ANXA11: variants seen among roughly 807,000 people sequenced by gnomAD.
ANXA11 encodes annexin A11, also known as 56 kDa autoantigen.
ANXA11 carries 57 observed loss-of-function variants against 64.7 expected under a neutral mutation model. That is an observed-to-expected ratio of 0.88 (90% CI 0.71 to 1.10). The LOEUF is 1.10. ANXA11 is among the 50% of genes least tolerant of loss of function. The pLI is 0.00. For missense variants in ANXA11, 675 were observed against 670.7 expected, an observed-to-expected ratio of 1.01 and a Z score of -0.07; for synonymous variants, 260 against 265.2, an observed-to-expected ratio of 0.98 and a Z score of 0.19.
chr10:80,168,865 G>A, intron 5 of ANXA11, 104 bp downstream of exon 5: 1 of 1,272,252 alleles, frequency 7.9e-7, no homozygotes, highest in Non-Finnish European at 1.0e-6. Flanking sequence ...AAGAAGTGCA[G>A]CTGGAGGCCT....
intron 8 of ANXA11, 141 bp from the exon 9 acceptor site, chr10:80,164,284 C>A: frequency 1.6e-6 from 1 of 627,356 alleles, no homozygotes; most frequent in South Asian, 2.0e-5. Context: ...TCCAGCCACT[C>A]CCAGGCTCGA....
rs563793896 is a variant in ANXA11 at position 80,189,910 on chromosome 10, CATAAAAAGAGA to C, written c.-57-13766_-57-13756del. Among the ~76,000 whole-genome samples the C allele has an allele frequency of 1.3e-4, 20 of 152,340 alleles. No individual in the cohort carries two copies. In the South Asian group the frequency reaches 3.9e-3, roughly 30 times the overall value. ...ATGGATAAACAAAACAAGATCTCCA[CATAAAAAGAGA>C]ATATCATTCAGCCTCAAAACAGAAG... On this transcript the variant is annotated intron_variant, in intron 1 of 15. Transcript: ENST00000422982.
chr10:80,195,470 T>C (rs1407906367), intron 1 of ANXA11, among the ~76,000 whole-genome samples: 1 of 152,126 alleles, frequency 6.6e-6, no homozygotes, highest in African/African-American at 2.4e-5. Flanking sequence ...AGGAACAGCA[T>C]GAAAACAGAA....
chr10:80,155,042 A>G lies in ANXA11; in HGVS notation c.*811T>C, dbSNP rs868123737. 34 of 152,500 alleles carry G rather than the reference A, an allele frequency of 2.2e-4. No individual in the cohort carries two copies. Among genetic ancestry groups the G allele is most frequent in the African/African-American group, 7.5e-4 (31 of 41,452 alleles). 9.4% of individuals were successfully genotyped at this position (152,500 alleles called of 1,614,324 possible). On this transcript the variant is annotated 3_prime_UTR_variant, in exon 16 of 16. Transcript: ENST00000422982. ...CACACAAATCTCTACGTAAGGTTAC[A>G]TGAACTTTCACTGGCTGATAAGGCC...
At chr10:80,178,349 TC>T (rs1350808330) in intron 1 of ANXA11, among the ~76,000 whole-genome samples, 1 of 152,166 alleles carries the variant, frequency 6.6e-6, no homozygotes, top group Non-Finnish European at 1.5e-5. Flanking sequence ...CTGGGGCATG[TC>T]CCCCGCTCTA....
At chr10:80,169,413 C>A in intron 4 of ANXA11, 55 bp from the exon 5 acceptor site, 1 of 1,587,802 alleles carries the variant, frequency 6.3e-7, no homozygotes, top group South Asian at 1.1e-5. Flanking sequence ...CACTCCGTCC[C>A]TCCACCCTTT....
intron 1 of ANXA11, among the ~76,000 whole-genome samples, chr10:80,177,820 C>T (rs1018723452): frequency 3.5e-4 from 53 of 152,204 alleles, no homozygotes; most frequent in African/African-American, 9.4e-4. Context: ...GAAAAGTAAA[C>T]GCAGCCCAAT....
rs1303867340 is a variant in ANXA11, at chr10:80,152,002, C to T, written c.*3851G>A. On this transcript the variant is annotated 3_prime_UTR_variant, in exon 16 of 16. Transcript: ENST00000422982. ...CCACAGGGTGAGCACTCCAAGGTTT[C>T]TTTCTTAAATTTTGCACCTGAGACA... The T allele has an allele frequency of 6.6e-6, 1 of 151,902 alleles. No homozygotes were observed. The highest frequency in any genetic ancestry group is 2.4e-5 in the African/African-American group (1 of 41,450). The allele number at this position is 151,902 out of a possible 1,614,324, so 9.4% of individuals were successfully genotyped here.
chr10:80,195,879 A>G (rs1331828779), intron 1 of ANXA11: 1 of 152,446 alleles, frequency 6.6e-6, no homozygotes, highest in African/African-American at 2.4e-5. Flanking sequence ...CTATCACGAG[A>G]ATAGCACAGG....
At chr10:80,179,864 C>T (rs1367605927) in intron 1 of ANXA11, among the ~76,000 whole-genome samples, 1 of 152,206 alleles carries the variant, frequency 6.6e-6, no homozygotes. Flanking sequence ...ATATGTAAGT[C>T]CCCTCAATAA....
In ANXA11 at chr10:80,151,998, G is replaced by A. The variant is rs1408243448; in HGVS notation, c.*3855C>T. On this transcript the variant is annotated 3_prime_UTR_variant, in exon 16 of 16. Coordinates refer to ENST00000422982, the MANE Select transcript of ANXA11 (RefSeq NM_145868.2). ...CCAGCCACAGGGTGAGCACTCCAAG[G>A]TTTCTTTCTTAAATTTTGCACCTGA... is the stretch of plus-strand genomic sequence containing the variant. 2.0e-5 allele frequency: 3 copies of A among 152,172 alleles called. No individual in the cohort carries two copies. Among genetic ancestry groups the A allele is most frequent in the Non-Finnish European group, 2.9e-5 (2 of 68,036 alleles). The allele number at this position is 152,172 out of a possible 1,614,324, so 9.4% of individuals were successfully genotyped here.
intron 1 of ANXA11, among the ~76,000 whole-genome samples, chr10:80,197,114 C>T (rs1409439521): frequency 6.6e-6 from 1 of 152,134 alleles, no homozygotes; most frequent in Admixed American, 6.5e-5. Context: ...GGAGCTGAGA[C>T]CCAGAGAGCA....
At chr10:80,182,261 T>G (rs972291849) in intron 1 of ANXA11, among the ~76,000 whole-genome samples, 2 of 152,048 alleles carry the variant, frequency 1.3e-5, no homozygotes, top group African/African-American at 4.8e-5. Flanking sequence ...TTCCACTTAA[T>G]TTTGCTGTAA....
intron 13 of ANXA11, 61 bp downstream of exon 13, chr10:80,159,035 GCAGC>G: frequency 8.1e-7 from 1 of 1,242,036 alleles, no homozygotes; most frequent in Non-Finnish European, 1.2e-6. Context: ...GGACAGGCGA[GCAGC>G]CTGAACACTC....
chr10:80,157,185 T>C (rs1845308011), intron 15 of ANXA11: 1 of 982,662 alleles, frequency 1.0e-6, no homozygotes, highest in Non-Finnish European at 1.2e-6. Flanking sequence ...AGTTAGCAAG[T>C]AGAAAAGCTG....
At chr10:80,176,514 C>A (rs763838722) in intron 1 of ANXA11, among the ~76,000 whole-genome samples, 11 of 152,216 alleles carry the variant, frequency 7.2e-5, no homozygotes, top group Non-Finnish European at 1.3e-4. Context: ...CGGTTTAGAT[C>A]TGTTCCCTGT....
intron 1 of ANXA11, among the ~76,000 whole-genome samples, chr10:80,199,385 C>T (rs190675557): frequency 1.3e-5 from 2 of 152,210 alleles, no homozygotes; most frequent in South Asian, 4.2e-4. Flanking sequence ...GCGTGAGCTA[C>T]CGCGCCCAGC....
intron 1 of ANXA11, among the ~76,000 whole-genome samples, chr10:80,181,869 A>T (rs997247858): frequency 7.9e-5 from 12 of 152,246 alleles, no homozygotes; most frequent in Non-Finnish European, 1.8e-4. Context: ...ACTTTGGAAG[A>T]CAGTTTGGTG....
rs140221246 is a variant in ANXA11 at position 80,157,442 on chromosome 10, C to T, written c.1458+199G>A. The T allele has an allele frequency of 1.9e-4, 183 of 985,252 alleles. 2 individuals are homozygous for T. In the African/African-American group the frequency reaches 2.4e-3, roughly 13 times the overall value. The allele number at this position is 985,252 out of a possible 1,614,324, so 61.0% of individuals were successfully genotyped here. ...GCTGCTGGGGGATGCAAGGTGGGGG[C>T]GACAGCAAGGTCATGATCCACCTGC... is the stretch of plus-strand genomic sequence containing the variant. On this transcript the variant is annotated intron_variant, in intron 15 of 15. Coordinates refer to ENST00000422982, the MANE Select transcript of ANXA11 (RefSeq NM_145868.2).
Sources: gnomAD v4.1 joint callset for allele counts (sites outside exome capture counted in the v4.1 genomes callset) on GRCh38, gnomAD v4.1.1 for gene constraint, MANE v1.5 for transcripts, NCBI Gene and HGNC (gene_info 2026-07-23, HGNC 2026-07-21) for gene names.